COBLL1: variants seen among roughly 807,000 people sequenced by gnomAD.
The protein encoded by COBLL1 is cordon-bleu protein-like 1.
A neutral mutation model predicts 94.8 loss-of-function variants in COBLL1; 50 were observed. The observed-to-expected ratio is 0.53, with a 90% CI of 0.42 to 0.67. COBLL1 has a LOEUF of 0.67. Ranked by LOEUF, COBLL1 falls within the 30% of genes least tolerant of loss-of-function variation. COBLL1 has a pLI of 0.00. For missense variants in COBLL1, 1,362 were observed against 1,348.7 expected (o/e 1.01, Z -0.15); for synonymous variants, 448 against 473.8 (o/e 0.95, Z 0.71).
At chr2:164,745,942 T>C (rs1686839241) in intron 2 of COBLL1, among the ~76,000 whole-genome samples, 1 of 152,160 alleles carries the variant, frequency 6.6e-6, no homozygotes, top group African/African-American at 2.4e-5. Context: ...ACAAAGTTCA[T>C]ATATGAAAGT....
intron 13 of COBLL1, chr2:164,687,432 C>T (rs1683358481): frequency 7.4e-6 from 8 of 1,077,444 alleles, no homozygotes; most frequent in East Asian, 2.4e-5. Context: ...AGAAGTGGAT[C>T]GTCTGGCAGC....
At chr2:164,742,510 A>T (rs1343168228) in intron 3 of COBLL1, among the ~76,000 whole-genome samples, 1 of 152,136 alleles carries the variant, frequency 6.6e-6, no homozygotes, top group Non-Finnish European at 1.5e-5. Context: ...TCTTTCTCAC[A>T]CATACGAGGC....
chr2:164,796,250 A>T (rs1683449732), intron 2 of COBLL1, among the ~76,000 whole-genome samples: 1 of 152,202 alleles, frequency 6.6e-6, no homozygotes, highest in African/African-American at 2.4e-5. Flanking sequence ...CAAAGTCCCA[A>T]ATTAGACCCT....
chr2:164,788,711 G>A (rs192409006), intron 2 of COBLL1, among the ~76,000 whole-genome samples: 45 of 152,098 alleles, frequency 3.0e-4, no homozygotes, highest in African/African-American at 1.0e-3. Context: ...ATAACTGGCC[G>A]GACACAGTGG....
chr2:164,707,462 C>T (rs1463517822), intron 7 of COBLL1, among the ~76,000 whole-genome samples: 2 of 152,076 alleles, frequency 1.3e-5, no homozygotes, highest in Non-Finnish European at 2.9e-5. Flanking sequence ...TTTCAATGAA[C>T]TCCTCCCTGA....
intron 2 of COBLL1, among the ~76,000 whole-genome samples, chr2:164,661,069 C>T (rs976946129): frequency 1.1e-4 from 16 of 152,098 alleles, no homozygotes; most frequent in African/African-American, 3.9e-4. Flanking sequence ...TGAAATTGAA[C>T]TCCTTTCTTA....
chr2:164,733,859 C>T (rs556195594), intron 3 of COBLL1, among the ~76,000 whole-genome samples: 18 of 128,620 alleles, frequency 1.4e-4, no homozygotes, highest in African/African-American at 5.2e-4. Flanking sequence ...GGATAGTGGA[C>T]TCCCAAACCA....
intron 2 of COBLL1, among the ~76,000 whole-genome samples, chr2:164,767,902 AC>A (rs1370925038): frequency 6.6e-6 from 1 of 152,184 alleles, no homozygotes; most frequent in Admixed American, 6.5e-5. Context: ...TAATAGTAAA[AC>A]AAAATTTTGA....
chr2:164,795,031 A>G (rs1278978611), intron 2 of COBLL1, among the ~76,000 whole-genome samples: 2 of 152,206 alleles, frequency 1.3e-5, no homozygotes, highest in Non-Finnish European at 2.9e-5. Context: ...ACCATTCTTC[A>G]CTAAGCCCAC....
chr2:164,831,518 C>T (rs1480625538), intron 2 of COBLL1, among the ~76,000 whole-genome samples: 1 of 151,048 alleles, frequency 6.6e-6, no homozygotes, highest in Non-Finnish European at 1.5e-5. Context: ...GCTTTGCTCT[C>T]CTGAAGCACA....
chr2:164,667,908 A>G (rs1691187754), intron 1 of COBLL1, among the ~76,000 whole-genome samples: 1 of 150,230 alleles, frequency 6.7e-6, no homozygotes, highest in Non-Finnish European at 1.5e-5. Flanking sequence ...TTGCATTCAC[A>G]ACTTGGCTGT....
chr2:164,841,530 G>T lies in COBLL1; in HGVS notation c.-51+180C>A. 1.1e-6 allele frequency: 1 copy of T among 929,606 alleles called. No individual in the cohort carries two copies. The highest frequency in any genetic ancestry group is 5.2e-5 in the South Asian group (1 of 19,144). The allele number at this position is 929,606 out of a possible 1,614,324, so 57.6% of individuals were successfully genotyped here. A position where few individuals can be genotyped will look rare whatever the true frequency, so the allele number is the denominator to read the frequency against. On this transcript the variant is annotated intron_variant, in intron 1 of 13. Coordinates refer to ENST00000652658, the MANE Select transcript of COBLL1 (RefSeq NM_001365672.2). This position sits in a 1 kb window ranked among gnomAD's most constrained non-coding sequence, Gnocchi z 5.5. The stretch of plus-strand genomic sequence containing the variant: ...CATTTGGCGCCTCTCGGAGGGAGAG[G>T]AGCCGCCGGGGCTGGAAAAGGAGGA...
intron 2 of COBLL1, among the ~76,000 whole-genome samples, chr2:164,818,556 T>A (rs190930308): frequency 4.0e-5 from 6 of 148,486 alleles, no homozygotes; most frequent in African/African-American, 1.5e-4. Context: ...TGTGTACATA[T>A]GTACACATAT....
Position 164,694,822 on chromosome 2 carries a change from G to A in COBLL1, c.2570C>T (p.Ala857Val). Reference protein sequence around the residue: ...NILESKFKSRASNAQAKPSSF... With the variant: ...NILESKFKSRVSNAQAKPSSF... The stretch of plus-strand genomic sequence containing the variant: ...GCTGGGTTTGGCCTGGGCATTTGAA[G>A]CCCGAGATTTAAATTTTGATTCCAA... Residue 857 changes from alanine to valine, a missense_variant, in exon 12 of 14, where the codon GCT becomes GTT. By Grantham distance (64) the Ala-to-Val change is moderately conservative. Coordinates refer to ENST00000652658, the MANE Select transcript of COBLL1 (RefSeq NM_001365672.2). 1 of 1,613,828 alleles carries A rather than the reference G, an allele frequency of 6.2e-7. No individual in the cohort carries two copies. The highest frequency in any genetic ancestry group is 8.5e-7 in the Non-Finnish European group (1 of 1,179,926).
chr2:164,774,371 TA>T (rs1336229177), intron 2 of COBLL1, among the ~76,000 whole-genome samples: 2 of 152,176 alleles, frequency 1.3e-5, no homozygotes, highest in Non-Finnish European at 2.9e-5. Context: ...TCACTTCTAC[TA>T]ACATTCTACT....
chr2:164,731,526 T>C (rs1488921233), intron 3 of COBLL1, among the ~76,000 whole-genome samples: 1 of 152,212 alleles, frequency 6.6e-6, no homozygotes, highest in Non-Finnish European at 1.5e-5. Flanking sequence ...AAAAAATCTT[T>C]GGTATCATGT....
intron 2 of COBLL1, among the ~76,000 whole-genome samples, chr2:164,802,522 T>C (rs1466324205): frequency 7.5e-6 from 1 of 133,940 alleles, no homozygotes; most frequent in East Asian, 2.1e-4. Flanking sequence ...GAGAGAGGGA[T>C]TTTGCTGAAA....
At chr2:164,784,822 G>A (rs1688874936) in intron 2 of COBLL1, among the ~76,000 whole-genome samples, 1 of 152,076 alleles carries the variant, frequency 6.6e-6, no homozygotes, top group South Asian at 2.1e-4. Flanking sequence ...GCCAATACAT[G>A]TTTTTTTAAA....
intron 1 of COBLL1, among the ~76,000 whole-genome samples, chr2:164,672,395 T>C (rs969424484): frequency 3.9e-5 from 6 of 152,154 alleles, no homozygotes; most frequent in African/African-American, 1.2e-4. Context: ...TTTTTTCTTC[T>C]TCCCTTAAAA....
Sources: gnomAD v4.1 joint callset for allele counts (sites outside exome capture counted in the v4.1 genomes callset) on GRCh38, gnomAD v4.1.1 for gene constraint, Gnocchi (gnomAD v3.1) non-coding constraint, MANE v1.5 for transcripts, NCBI Gene and HGNC (gene_info 2026-07-23, HGNC 2026-07-21) for gene names.